ENTPD4: variants seen among roughly 807,000 people sequenced by gnomAD.
The protein encoded by ENTPD4 is Golgi UDPase.
ENTPD4 carries 60 observed loss-of-function variants against 79.1 expected under a neutral mutation model. The observed-to-expected ratio is 0.76, with a 90% CI of 0.62 to 0.94. ENTPD4 has a LOEUF of 0.94. Ranked by LOEUF, ENTPD4 falls within the 40% of genes least tolerant of loss-of-function variation. The pLI, the probability that ENTPD4 is intolerant of heterozygous loss-of-function variation, is 0.00. For missense variants in ENTPD4, 772 were observed against 775.1 expected (o/e 1.00, Z 0.05); for synonymous variants, 276 against 292.0 (o/e 0.95, Z 0.56).
At chr8:23,434,657 G>A in intron 11 of ENTPD4, 179 bp from the exon 12 acceptor site, 1 of 1,432,688 alleles carries the variant, frequency 7.0e-7, no homozygotes, top group Non-Finnish European at 9.1e-7. Context: ...TCACATCCCT[G>A]GTCCCACAAC....
At chr8:23,451,877 C>A (rs1490486246) in intron 1 of ENTPD4, among the ~76,000 whole-genome samples, 1 of 152,040 alleles carries the variant, frequency 6.6e-6, no homozygotes, top group Non-Finnish European at 1.5e-5. Flanking sequence ...ATGCCTACCC[C>A]CTCCCCAGCA....
chr8:23,447,514 G>T (rs1047206968), intron 4 of ENTPD4, among the ~76,000 whole-genome samples, 166 bp downstream of exon 4: 1 of 152,152 alleles, frequency 6.6e-6, no homozygotes, highest in African/African-American at 2.4e-5. Context: ...GTCACCCTTT[G>T]CAAAATGGAC....
chr8:23,456,388 T>A (rs928881815), intron 1 of ENTPD4, among the ~76,000 whole-genome samples: 2 of 152,252 alleles, frequency 1.3e-5, no homozygotes, highest in Non-Finnish European at 2.9e-5. Context: ...CTGTTACACA[T>A]CCTGATGTTT....
At position 23,448,878 on chromosome 8, in the gene ENTPD4, G is replaced by A. The variant is rs1800809622; in HGVS notation, c.70C>T (p.Pro24Ser). Residue 24 changes from proline to serine, a missense_variant, in exon 3 of 13, where the codon CCT (proline) becomes TCT (serine). By Grantham distance (74) the Pro-to-Ser change is moderately conservative. Transcript: ENST00000358689. ...WHFSISPVGCPRILNTNLRQI... is the reference protein window; with the variant it reads ...WHFSISPVGCSRILNTNLRQI... ...CGTAAATTGGTATTCAGAATTCGAG[G>A]ACACCCTACTGGAGATATGCTAAAA... is the stretch of plus-strand genomic sequence containing the variant. 1 of 1,613,966 alleles carries A rather than the reference G, an allele frequency of 6.2e-7. No homozygotes were observed. Among genetic ancestry groups the A allele is most frequent in the Admixed American group, 1.7e-5 (1 of 60,006 alleles).
At chr8:23,450,914 G>GC (rs1221099443) in intron 1 of ENTPD4, among the ~76,000 whole-genome samples, 1 of 151,964 alleles carries the variant, frequency 6.6e-6, no homozygotes, top group South Asian at 2.1e-4. Context: ...AATCTGCTCT[G>GC]CCCCCGCAGT....
chr8:23,437,407 A>G, intron 9 of ENTPD4, 149 bp from the exon 10 acceptor site: 1 of 616,046 alleles, frequency 1.6e-6, no homozygotes. Context: ...TTCCGAGATA[A>G]TTAGTTAGGA....
Position 23,439,702 on chromosome 8 carries a change from G to A in ENTPD4, c.1049+47C>T, listed in dbSNP as rs1171919756. ...TGCCTGGGTCTGTTTTTTATGAGGA[G>A]AGACCTAGGTTTGCAAATGACTGCC... On this transcript the variant is annotated intron_variant, in intron 9 of 12. Coordinates refer to ENST00000358689, the MANE Select transcript of ENTPD4 (RefSeq NM_004901.5). The A allele has an allele frequency of 3.8e-6, 6 of 1,581,152 alleles. No individual in the cohort carries two copies. The East Asian group carries it at 1.1e-4, about 30-fold the overall frequency.
intron 10 of ENTPD4, among the ~76,000 whole-genome samples, chr8:23,435,940 C>G (rs1347590881): frequency 6.6e-6 from 1 of 152,140 alleles, no homozygotes; most frequent in Non-Finnish European, 1.5e-5. Flanking sequence ...GTTATAATAA[C>G]TTTTATTGAG....
Position 23,430,697 on chromosome 8 carries a change from T to C in ENTPD4, c.*2229A>G. 13 of 985,464 alleles carry C rather than the reference T, an allele frequency of 1.3e-5. No individual in the cohort carries two copies. Among genetic ancestry groups the C allele is most frequent in the Non-Finnish European group, 1.6e-5 (13 of 829,980 alleles). 61.0% of individuals were successfully genotyped at this position (985,464 alleles called of 1,614,324 possible). On this transcript the variant is annotated 3_prime_UTR_variant, in exon 13 of 13. Transcript: ENST00000358689. ...GATCCTCAGGTATGTGACTAACTCT[T>C]CTATGCCCAGAGCTGGAAGGCGGGG...
In ENTPD4 at chr8:23,429,427, T is replaced by C; in HGVS notation, c.*3499A>G. On this transcript the variant is annotated 3_prime_UTR_variant, in exon 13 of 13. Coordinates refer to ENST00000358689, the MANE Select transcript of ENTPD4 (RefSeq NM_004901.5). ...ATTCATTATTGAAAGGGAAACTTAG[T>C]ATCAAAAGAAACAAAACACTGAAAT... 2.0e-6 allele frequency: 2 copies of C among 985,052 alleles called. No individual in the cohort carries two copies. The highest frequency in any genetic ancestry group is 2.4e-6 in the Non-Finnish European group (2 of 829,550). 61.0% of individuals were successfully genotyped at this position (985,052 alleles called of 1,614,324 possible).
intron 8 of ENTPD4, 31 bp downstream of exon 8, chr8:23,441,538 C>G (rs932745219): frequency 6.2e-7 from 1 of 1,604,132 alleles, no homozygotes; most frequent in Non-Finnish European, 8.5e-7. Flanking sequence ...AAAACCAAAC[C>G]AAACAGAAGG....
Position 23,430,472 on chromosome 8 carries a change from CT to C in ENTPD4, c.*2453del. The stretch of plus-strand genomic sequence containing the variant: ...TTAAGAGGATGCTTCTGTCTGTATC[CT>C]TTTTTGAACTGCATTGTTCTCACAA... On this transcript the variant is annotated 3_prime_UTR_variant, in exon 13 of 13. Transcript: ENST00000358689. 1 of 985,398 alleles carries C rather than the reference CT, an allele frequency of 1.0e-6. No individual in the cohort carries two copies. The highest frequency in any genetic ancestry group is 4.7e-5 in the South Asian group (1 of 21,286). 61.0% of individuals were successfully genotyped at this position (985,398 alleles called of 1,614,324 possible). A position where few individuals can be genotyped will look rare whatever the true frequency, so the allele number is the denominator to read the frequency against.
In ENTPD4 at chr8:23,432,504, AT is replaced by A. The variant is rs11403204; in HGVS notation, c.*421del. 6,359 of 887,564 alleles carry A rather than the reference AT, an allele frequency of 7.2e-3. No individual in the cohort carries two copies. The highest frequency in any genetic ancestry group is 8.0e-3 in the Non-Finnish European group (5,929 of 741,474). 55.0% of individuals were successfully genotyped at this position (887,564 alleles called of 1,614,324 possible). A position where few individuals can be genotyped will look rare whatever the true frequency, so the allele number is the denominator to read the frequency against. ...AGACAGCAGGGCTTATAAACAATGC[AT>A]TTTTTTTTTTTGAGACGGAGTCTCA... On this transcript the variant is annotated 3_prime_UTR_variant, in exon 13 of 13. Transcript: ENST00000358689.
At chr8:23,434,239 C>A in intron 12 of ENTPD4, 78 bp downstream of exon 12, 1 of 1,560,556 alleles carries the variant, frequency 6.4e-7, no homozygotes, top group Non-Finnish European at 8.7e-7. Flanking sequence ...CAAACAGCCA[C>A]AGACCACAGC....
intron 6 of ENTPD4, among the ~76,000 whole-genome samples, chr8:23,442,320 G>T (rs1291317826): frequency 6.6e-6 from 1 of 152,124 alleles, no homozygotes; most frequent in Admixed American, 6.5e-5. Context: ...GTTTTCTTTT[G>T]AAATTTATGT....
chr8:23,440,938 C>T (rs1383274905), intron 8 of ENTPD4, among the ~76,000 whole-genome samples: 2 of 152,200 alleles, frequency 1.3e-5, no homozygotes, highest in African/African-American at 4.8e-5. Flanking sequence ...GCTATGCTGC[C>T]GCCCACCTTT....
chr8:23,431,878 G>T lies in ENTPD4; in HGVS notation c.*1048C>A. 3.0e-6 allele frequency: 3 copies of T among 985,394 alleles called. No homozygotes were observed. The highest frequency in any genetic ancestry group is 3.6e-6 in the Non-Finnish European group (3 of 829,902). The allele number at this position is 985,394 out of a possible 1,614,324, so 61.0% of individuals were successfully genotyped here. ...TAATGCCACTGAAATATGGAATAAG[G>T]AGCGTAATTACCTGCGGTCAGGAAA... On this transcript the variant is annotated 3_prime_UTR_variant, in exon 13 of 13. Coordinates refer to ENST00000358689, the MANE Select transcript of ENTPD4 (RefSeq NM_004901.5).
At chr8:23,448,432 T>C (rs1800800254) in intron 3 of ENTPD4, among the ~76,000 whole-genome samples, 1 of 152,204 alleles carries the variant, frequency 6.6e-6, no homozygotes, top group African/African-American at 2.4e-5. Flanking sequence ...GCGATGCTAT[T>C]AGGAGGTGGG....
Position 23,434,373 on chromosome 8 carries a change from C to G in ENTPD4, c.1566G>C (p.Lys522Asn), listed in dbSNP as rs773881532. The G allele has an allele frequency of 7.4e-6, 12 of 1,614,096 alleles. No individual in the cohort carries two copies. The highest frequency in any genetic ancestry group is 8.5e-6 in the Non-Finnish European group (10 of 1,180,044). The change falls in exon 12 of 13, where the codon AAG (lysine) becomes AAC (asparagine). Residue 522 changes from lysine to asparagine, a missense_variant. Lys to Asn is a moderately conservative substitution (Grantham distance 94, BLOSUM62 0). Transcript: ENST00000358689. ...SLKTALQVYDKEVQWTLGAIL... is the reference protein window; with the variant it reads ...SLKTALQVYDNEVQWTLGAIL... ...TGGCTCCAAGGGTCCACTGAACCTC[C>G]TTGTCGTAAACTTGCAAGGCAGTCT...
Sources: gnomAD v4.1 joint callset for allele counts (sites outside exome capture counted in the v4.1 genomes callset) on GRCh38, gnomAD v4.1.1 for gene constraint, MANE v1.5 for transcripts, NCBI Gene and HGNC (gene_info 2026-07-23, HGNC 2026-07-21) for gene names.